USP45: variants seen among roughly 807,000 people sequenced by gnomAD.
USP45 encodes ubiquitin carboxyl-terminal hydrolase 45.
USP45 carries 89 observed loss-of-function variants against 95.8 expected under a neutral mutation model. That is an observed-to-expected ratio of 0.93 (90% CI 0.78 to 1.11). USP45 has a LOEUF of 1.11. USP45 is among the 50% of genes least tolerant of loss of function. The pLI, the probability that USP45 is intolerant of heterozygous loss-of-function variation, is 0.00. For missense variants in USP45, 898 were observed against 942.5 expected (o/e 0.95, Z 0.62); for synonymous variants, 281 against 316.2 (o/e 0.89, Z 1.18).
At chr6:99,462,562 C>T in intron 13 of USP45, 1 of 985,400 alleles carries the variant, frequency 1.0e-6, no homozygotes, top group African/African-American at 1.7e-5. Context: ...TAGAATAAAG[C>T]ATATGCTCAA....
chr6:99,436,123 C>T (rs137896249), intron 17 of USP45, among the ~76,000 whole-genome samples: 5,141 of 152,038 alleles, frequency 0.034, 281 homozygotes, highest in African/African-American at 0.12. Flanking sequence ...ATCTACATTA[C>T]GTATTTCTCC....
chr6:99,506,860 A>C (rs1798635014), intron 4 of USP45, among the ~76,000 whole-genome samples: 1 of 151,944 alleles, frequency 6.6e-6, no homozygotes, highest in African/African-American at 2.4e-5. Flanking sequence ...TCACTACCAA[A>C]AAAATCAACT....
At position 99,446,260 on chromosome 6, in the gene USP45, G is replaced by A. The variant is rs185572698; in HGVS notation, c.1512C>T (p.Asp504=). ...CACTTTCAGATTCTGAAGGCTCACT[G>A]TCAGCATCAACATTGCTTTCAGAAT... ...ASHSESNVDA[D]SEPSESESAS... is the part of the protein sequence containing the mutation. Residue 504 remains aspartate, a synonymous_variant, in exon 14 of 18, where the codon GAC becomes GAT. Coordinates refer to ENST00000500704, the MANE Select transcript of USP45 (RefSeq NM_001346022.3). 23 of 1,614,186 alleles carry A rather than the reference G, an allele frequency of 1.4e-5. No homozygotes were observed. Among genetic ancestry groups the A allele is most frequent in the Non-Finnish European group, 1.9e-5 (22 of 1,180,030 alleles).
At chr6:99,476,475 TAA>T (rs1790899278) in intron 8 of USP45, among the ~76,000 whole-genome samples, 1 of 152,142 alleles carries the variant, frequency 6.6e-6, no homozygotes, top group South Asian at 2.1e-4. Context: ...CAAAATGGCA[TAA>T]AGACACAGTT....
At chr6:99,484,080 C>T (rs1793200710) in intron 7 of USP45, among the ~76,000 whole-genome samples, 1 of 138,630 alleles carries the variant, frequency 7.2e-6, no homozygotes, top group South Asian at 2.4e-4. Flanking sequence ...AAGCAATCCT[C>T]CCGCCTCAGC....
intron 2 of USP45, among the ~76,000 whole-genome samples, chr6:99,509,768 C>A (rs759480427): frequency 5.3e-5 from 8 of 151,470 alleles, no homozygotes; most frequent in Non-Finnish European, 1.0e-4. Flanking sequence ...ATGCAGAAAA[C>A]AGTAAAAATA....
chr6:99,440,156 C>T (rs1241425564), intron 15 of USP45, among the ~76,000 whole-genome samples: 1 of 152,158 alleles, frequency 6.6e-6, no homozygotes, highest in African/African-American at 2.4e-5. Flanking sequence ...GCTACTGACA[C>T]ATATGCTATC....
chr6:99,438,806 G>A (rs952502516), intron 16 of USP45, among the ~76,000 whole-genome samples: 3 of 152,154 alleles, frequency 2.0e-5, no homozygotes, highest in Non-Finnish European at 4.4e-5. Context: ...TTAGTGTGTG[G>A]ATAGGGCAGG....
At chr6:99,446,544 T>C in intron 13 of USP45, 81 bp from the exon 14 acceptor site, 6 of 1,256,268 alleles carry the variant, frequency 4.8e-6, no homozygotes, top group Non-Finnish European at 6.5e-6. Context: ...AAACATATCA[T>C]AGTTATTAAA....
At chr6:99,437,205 T>A in intron 17 of USP45, 41 bp downstream of exon 17, 2 of 1,564,442 alleles carry the variant, frequency 1.3e-6, no homozygotes, top group Non-Finnish European at 1.7e-6. Flanking sequence ...AAGCACATAT[T>A]CGTTTGTTTT....
chr6:99,502,154 G>A, intron 5 of USP45: 1 of 937,120 alleles, frequency 1.1e-6, no homozygotes, highest in Non-Finnish European at 1.4e-6. Flanking sequence ...GAGCTTCCTT[G>A]GTTACCAATA....
At chr6:99,517,833 C>T (rs576325181), upstream of USP45, among the ~76,000 whole-genome samples, 3 of 151,828 alleles carry the variant, frequency 2.0e-5, no homozygotes, top group Non-Finnish European at 2.9e-5. Flanking sequence ...GCTGGTTTCT[C>T]ATCTTCCCCT....
intron 9 of USP45, among the ~76,000 whole-genome samples, chr6:99,469,456 AAT>A: frequency 7.1e-6 from 1 of 141,200 alleles, no homozygotes; most frequent in South Asian, 2.2e-4. Flanking sequence ...ATATATATAT[AAT>A]TAATATATAT....
chr6:99,443,614 A>G lies in USP45; in HGVS notation c.2024T>C (p.Ile675Thr), dbSNP rs1204619888. 3.7e-6 allele frequency: 6 copies of G among 1,609,448 alleles called. No individual in the cohort carries two copies. Among genetic ancestry groups the G allele is most frequent in the Non-Finnish European group, 4.2e-6 (5 of 1,177,376 alleles). Residue 675 changes from isoleucine (I) to threonine (T), a missense_variant, in exon 15 of 18, where the codon ATT becomes ACT. Physicochemically the swap from Ile to Thr is moderately conservative, Grantham distance 89. Transcript: ENST00000500704. ...AATTAGGACAGCTGGAACAGCAGAA[A>G]TGAGCAATTGCTTCCTGGCATTAGT... The part of the protein sequence containing the change: ...VYTNARKQLL[I>T]SAVPAVLILH...
Position 99,439,846 on chromosome 6 carries a change from T to C in USP45, c.2083A>G (p.Ser695Gly). The change falls in exon 16 of 18, where the codon AGT becomes GGT. Residue 695 changes from serine (S) to glycine (G), a missense_variant. By Grantham distance (56) the Ser-to-Gly change is moderately conservative (BLOSUM62 0). Coordinates refer to ENST00000500704, the MANE Select transcript of USP45 (RefSeq NM_001346022.3). ...ACATGTCTGTTTACTTTACGAAGAC[T>C]CAAGCCAGCCTTAAAAAGACCAAAA... ...HLKRFHQAGLSLRKVNRHVDF... is the reference protein window; with the variant it reads ...HLKRFHQAGLGLRKVNRHVDF... 6.2e-7 allele frequency: 1 copy of C among 1,606,392 alleles called. No homozygotes were observed. Among genetic ancestry groups the C allele is most frequent in the African/African-American group, 1.3e-5 (1 of 74,878 alleles).
At chr6:99,445,386 G>A (rs1023574292) in intron 14 of USP45, among the ~76,000 whole-genome samples, 1 of 151,954 alleles carries the variant, frequency 6.6e-6, no homozygotes, top group African/African-American at 2.4e-5. Context: ...AGGAGGCTGA[G>A]GCAGAATAAT....
chr6:99,475,820 TTTTTG>T (rs1473572139), intron 9 of USP45, among the ~76,000 whole-genome samples: 3 of 151,928 alleles, frequency 2.0e-5, no homozygotes, highest in African/African-American at 4.8e-5. Context: ...CTTAGTTGTT[TTTTTG>T]TTTGTTTGTT....
chr6:99,464,357 TATATG>T (rs1436606714), intron 13 of USP45, among the ~76,000 whole-genome samples: 1 of 152,176 alleles, frequency 6.6e-6, no homozygotes, highest in Admixed American at 6.5e-5. Flanking sequence ...CACATTGAAG[TATATG>T]ATATATTTGG....
intron 13 of USP45, among the ~76,000 whole-genome samples, chr6:99,463,327 G>A (rs1319570012): frequency 2.0e-5 from 3 of 152,076 alleles, no homozygotes; most frequent in African/African-American, 7.2e-5. Flanking sequence ...TCTAGCTGAT[G>A]GAAGTATACA....
Sources: allele counts gnomAD v4.1 joint callset (sites outside exome capture counted in the v4.1 genomes callset), GRCh38; gene constraint gnomAD v4.1.1; transcripts MANE v1.5; gene names NCBI Gene and HGNC (gene_info 2026-07-23, HGNC 2026-07-21).